Variants in ARGLU1 observed in about 807,000 individuals in gnomAD.
The protein encoded by ARGLU1 is arginine and glutamate-rich protein 1.
In ARGLU1, 9 loss-of-function variants were observed where a neutral mutation model predicts 37.6. The observed-to-expected ratio is 0.24, with a 90% CI of 0.14 to 0.42. The LOEUF (loss-of-function observed/expected upper bound fraction) is 0.42. Ranked by LOEUF, ARGLU1 falls within the 10% of genes least tolerant of loss-of-function variation. The pLI, the probability that ARGLU1 is intolerant of heterozygous loss-of-function variation, is 1.00. For synonymous variants in ARGLU1, 166 were observed against 138.5 expected, an observed-to-expected ratio of 1.20 and a Z score of -1.39; for missense variants, 211 against 359.2, an observed-to-expected ratio of 0.59 and a Z score of 3.34.
rs932945554 is a variant in ARGLU1 at position 106,542,390 on chromosome 13, T to C, written c.*1606A>G. On this transcript the variant is annotated 3_prime_UTR_variant, in exon 4 of 4. Transcript: ENST00000400198. ...TGGCAACCTATATTCTTTAGGAAAA[T>C]AAAATGTTTGATTTTAGAGTAAGTA... The C allele has an allele frequency of 1.3e-5, 2 of 151,928 alleles. No individual in the cohort carries two copies. Among genetic ancestry groups the C allele is most frequent in the African/African-American group, 4.8e-5 (2 of 41,410 alleles). The allele number at this position is 151,928 out of a possible 1,614,324, so 9.4% of individuals were successfully genotyped here.
chr13:106,547,458 A>C (rs1880421504), intron 3 of ARGLU1, among the ~76,000 whole-genome samples: 2 of 152,222 alleles, frequency 1.3e-5, no homozygotes, highest in South Asian at 2.1e-4. Context: ...TGTGAAAAAA[A>C]CCCAAATATC....
chr13:106,563,174 G>A (rs1469112231), intron 1 of ARGLU1, among the ~76,000 whole-genome samples: 3 of 152,006 alleles, frequency 2.0e-5, no homozygotes, highest in Admixed American at 1.3e-4. Flanking sequence ...TCTAGGAATC[G>A]CTTAATAATT....
chr13:106,557,642 T>C lies in ARGLU1; in HGVS notation c.574-511A>G. 1.3e-6 allele frequency: 2 copies of C among 1,586,746 alleles called. No homozygotes were observed. The highest frequency in any genetic ancestry group is 1.7e-6 in the Non-Finnish European group (2 of 1,165,860). On this transcript the variant is annotated intron_variant, in intron 2 of 3. Coordinates refer to ENST00000400198, the MANE Select transcript of ARGLU1 (RefSeq NM_018011.4). This position sits in a 1 kb window ranked among gnomAD's most constrained non-coding sequence, Gnocchi z 5.0. ...CTTTAAAATGATTTGTACTGTTAGC[T>C]TGGCAATACCTGCATCAGCAGCTCA...
At chr13:106,553,309 T>C (rs1242438613) in intron 3 of ARGLU1, among the ~76,000 whole-genome samples, 2 of 152,236 alleles carry the variant, frequency 1.3e-5, no homozygotes, top group African/African-American at 2.4e-5. Context: ...CTATTTTGTA[T>C]TTCCCCTGAA....
intron 1 of ARGLU1, among the ~76,000 whole-genome samples, chr13:106,566,128 A>C (rs953961294): frequency 6.6e-6 from 1 of 152,256 alleles, no homozygotes; most frequent in African/African-American, 2.4e-5. Context: ...ATTCTACAAA[A>C]TCAAGGTTTA....
At chr13:106,549,994 T>C (rs1880495011) in intron 3 of ARGLU1, among the ~76,000 whole-genome samples, 1 of 152,264 alleles carries the variant, frequency 6.6e-6, no homozygotes, top group African/African-American at 2.4e-5. Context: ...TATCTAGATG[T>C]GGCTCTTTTA....
chr13:106,549,655 TTAGC>T (rs1197199871), intron 3 of ARGLU1, among the ~76,000 whole-genome samples: 1 of 152,224 alleles, frequency 6.6e-6, no homozygotes, highest in Admixed American at 6.5e-5. Flanking sequence ...CAGGATATCA[TTAGC>T]TACCATCTAA....
chr13:106,561,969 A>G (rs143682684), intron 1 of ARGLU1: 2 of 152,382 alleles, frequency 1.3e-5, no homozygotes, highest in East Asian at 1.9e-4. Context: ...ACTACAGCTC[A>G]GCGACTTTAT....
intron 3 of ARGLU1, among the ~76,000 whole-genome samples, chr13:106,556,730 A>C (rs931932225): frequency 6.6e-6 from 1 of 152,222 alleles, no homozygotes; most frequent in Non-Finnish European, 1.5e-5. Flanking sequence ...TATACCCCCA[A>C]GCTTTTGTTG....
chr13:106,558,080 A>G, intron 2 of ARGLU1: 1 of 985,386 alleles, frequency 1.0e-6, no homozygotes, highest in Non-Finnish European at 1.2e-6. Context: ...TATTCAAATG[A>G]TTTTAATATT....
At position 106,567,506 on chromosome 13, in the gene ARGLU1, G is replaced by A. The variant is rs1881006182; in HGVS notation, c.347+67C>T. On this transcript the variant is annotated intron_variant, in intron 1 of 3. Transcript: ENST00000400198. The surrounding 1 kb of genome is among the most constrained non-coding windows in gnomAD (Gnocchi z 4.3). Reference sequence around the variant, plus strand: ...CTCCCGGCCCGCACCGTCCCGCCCCGGCCCCACGCCCTCGCCCCGCGCCCT... The same window carrying A: ...CTCCCGGCCCGCACCGTCCCGCCCCAGCCCCACGCCCTCGCCCCGCGCCCT... 8.7e-7 allele frequency: 1 copy of A among 1,154,206 alleles called. No homozygotes were observed. The highest frequency in any genetic ancestry group is 1.3e-6 in the Non-Finnish European group (1 of 785,360). 71.5% of individuals were successfully genotyped at this position (1,154,206 alleles called of 1,614,324 possible). A position where few individuals can be genotyped will look rare whatever the true frequency, so the allele number is the denominator to read the frequency against.
chr13:106,559,179 CT>C (rs1484215186), intron 2 of ARGLU1: 27 of 1,441,074 alleles, frequency 1.9e-5, no homozygotes, highest in Non-Finnish European at 2.4e-5. Context: ...GTTTCAAACA[CT>C]TCTCAAATAG....
intron 3 of ARGLU1, among the ~76,000 whole-genome samples, chr13:106,546,222 G>A (rs373129712): frequency 2.0e-5 from 3 of 152,090 alleles, no homozygotes; most frequent in Non-Finnish European, 1.5e-5. Flanking sequence ...CATCCTACAC[G>A]ATACTGCCAG....
At chr13:106,561,004 T>C (rs1252673090) in intron 1 of ARGLU1, among the ~76,000 whole-genome samples, 1 of 152,230 alleles carries the variant, frequency 6.6e-6, no homozygotes, top group African/African-American at 2.4e-5. Flanking sequence ...CTAACACCAA[T>C]GTGTCTTAAT....
rs920191475 is a variant in ARGLU1 at position 106,542,758 on chromosome 13, T to C, written c.*1238A>G. On this transcript the variant is annotated 3_prime_UTR_variant, in exon 4 of 4. Coordinates refer to ENST00000400198, the MANE Select transcript of ARGLU1 (RefSeq NM_018011.4). The stretch of plus-strand genomic sequence containing the variant: ...GTTTTAATACCAGTATACTTAAACA[T>C]ATGTTAAGAGTAAATGAGGCAGATT... 2 of 151,416 alleles carry C rather than the reference T, an allele frequency of 1.3e-5. No individual in the cohort carries two copies. The highest frequency in any genetic ancestry group is 4.9e-5 in the African/African-American group (2 of 41,146). The allele number at this position is 151,416 out of a possible 1,614,324, so 9.4% of individuals were successfully genotyped here.
In ARGLU1 at chr13:106,557,602, A is replaced by T. The variant is rs538019836; in HGVS notation, c.574-471T>A. ...GCAGAGTGTGCTCCTCGGCTGCCAT[A>T]CGCGCCAGCTTCCTCTTTAAAATGA... is the stretch of plus-strand genomic sequence containing the variant. On this transcript the variant is annotated intron_variant, in intron 2 of 3. Transcript: ENST00000400198. The surrounding 1 kb of genome is among the most constrained non-coding windows in gnomAD (Gnocchi z 5.0). 1 of 1,606,896 alleles carries T rather than the reference A, an allele frequency of 6.2e-7. No homozygotes were observed. The highest frequency in any genetic ancestry group is 8.5e-7 in the Non-Finnish European group (1 of 1,177,104).
At chr13:106,549,573 T>A (rs1204330403) in intron 3 of ARGLU1, among the ~76,000 whole-genome samples, 2 of 152,208 alleles carry the variant, frequency 1.3e-5, no homozygotes, top group Non-Finnish European at 2.9e-5. Flanking sequence ...AAGGATCCCC[T>A]TCATCCCTGT....
intron 3 of ARGLU1, among the ~76,000 whole-genome samples, chr13:106,547,437 A>C (rs1880420996): frequency 6.6e-6 from 1 of 152,238 alleles, no homozygotes; most frequent in Admixed American, 6.5e-5. Context: ...CAGTTTATAG[A>C]AAGAAAAGAA....
chr13:106,558,989 T>C, intron 2 of ARGLU1: 1 of 985,430 alleles, frequency 1.0e-6, no homozygotes, highest in Non-Finnish European at 1.2e-6. Context: ...TATCACTCAA[T>C]GTTAGGCCCT....
Sources: allele counts gnomAD v4.1 joint callset (sites outside exome capture counted in the v4.1 genomes callset), GRCh38; gene constraint gnomAD v4.1.1; non-coding constraint Gnocchi (gnomAD v3.1); transcripts MANE v1.5; gene names NCBI Gene and HGNC (gene_info 2026-07-23, HGNC 2026-07-21).